KAT6B: variants seen among roughly 807,000 people sequenced by gnomAD.
The protein encoded by KAT6B is lysine acetyltransferase 6B.
Under a neutral mutation model 187.5 loss-of-function variants are expected in KAT6B, and 10 were observed. That is an observed-to-expected ratio of 0.05 (90% CI 0.03 to 0.09). The LOEUF (loss-of-function observed/expected upper bound fraction) is 0.09. KAT6B is among the 10% of genes least tolerant of loss of function. KAT6B has a pLI of 1.00. For synonymous variants in KAT6B, 861 were observed against 926.8 expected (o/e 0.93, Z 1.29); for missense variants, 1,952 against 2,558.9 (o/e 0.76, Z 5.12).
At chr10:74,865,272 A>G (rs956420751) in intron 3 of KAT6B, among the ~76,000 whole-genome samples, 3 of 152,170 alleles carry the variant, frequency 2.0e-5, no homozygotes, top group African/African-American at 7.2e-5. Context: ...TGGTCTTTTG[A>G]TTTGCTCAGT....
intron 3 of KAT6B, among the ~76,000 whole-genome samples, chr10:74,936,917 CAG>C (rs530945309): frequency 3.2e-4 from 48 of 152,212 alleles, no homozygotes; most frequent in Middle Eastern, 6.8e-3. Context: ...GAAGGGTGGC[CAG>C]AGTTTCACTG....
intron 3 of KAT6B, among the ~76,000 whole-genome samples, chr10:74,947,186 G>A (rs1271519126): frequency 6.6e-6 from 1 of 152,054 alleles, no homozygotes; most frequent in African/African-American, 2.4e-5. Context: ...TAATAGAGAT[G>A]GGGTTTTGCC....
intron 3 of KAT6B, among the ~76,000 whole-genome samples, chr10:74,872,115 G>T (rs948554432): frequency 6.6e-6 from 1 of 152,162 alleles, no homozygotes; most frequent in Non-Finnish European, 1.5e-5. Context: ...GCCCGGCATT[G>T]TGTCTGGCAC....
In KAT6B at chr10:74,857,808, C is replaced by A. The variant is rs561348119; in HGVS notation, c.621+14330C>A. On this transcript the variant is annotated intron_variant, in intron 3 of 17. Transcript: ENST00000287239. Reference sequence around the variant, plus strand: ...GCCAAGGCAGGTGGATCACTTGAGGCCAGGAGTTTGAGATCAGCCTGGACA... The same window carrying A: ...GCCAAGGCAGGTGGATCACTTGAGGACAGGAGTTTGAGATCAGCCTGGACA... Among the ~76,000 whole-genome samples the A allele has an allele frequency of 2.0e-5, 3 of 152,132 alleles. No individual in the cohort carries two copies. In the South Asian group the frequency reaches 6.2e-4, roughly 32 times the overall value.
In KAT6B at chr10:74,894,040, C is replaced by T. The variant is rs1845819800; in HGVS notation, c.621+50562C>T. 2.6e-5 allele frequency among the ~76,000 whole-genome samples: 4 copies of T among 152,148 alleles called. No individual in the cohort carries two copies. In the South Asian group the frequency reaches 6.2e-4, roughly 24 times the overall value. ...CGTCCCCATATTGGCATGAGGGACCCCTTATGAATTAGCCTGAAACTTTGC... is the reference window on the plus strand; with the variant it reads ...CGTCCCCATATTGGCATGAGGGACCTCTTATGAATTAGCCTGAAACTTTGC... On this transcript the variant is annotated intron_variant, in intron 3 of 17. Transcript: ENST00000287239.
chr10:74,907,301 A>G (rs1168688618), intron 3 of KAT6B, among the ~76,000 whole-genome samples: 6 of 152,220 alleles, frequency 3.9e-5, no homozygotes, highest in African/African-American at 1.4e-4. Flanking sequence ...GGGTGGTCTT[A>G]GAGACTAGCC....
chr10:75,020,647 C>T lies in KAT6B; in HGVS notation c.2695C>T (p.Arg899Cys), dbSNP rs559399976. The T allele has an allele frequency of 8.7e-6, 14 of 1,614,212 alleles. No homozygotes were observed. The highest frequency in any genetic ancestry group is 2.7e-5 in the African/African-American group (2 of 75,048). ...SPEKPLSDLG[R>C]LSYLAYWKSV... Reference sequence around the variant, plus strand: ...TGAAAAGCCTCTCTCCGATCTGGGCCGTCTCTCCTACCTGGCATATTGGAA... The same window carrying T: ...TGAAAAGCCTCTCTCCGATCTGGGCTGTCTCTCCTACCTGGCATATTGGAA... Residue 899 changes from arginine to cysteine, a missense_variant, in exon 14 of 18, where the codon CGT becomes TGT. Around this residue, in one of 9 missense-constraint regions of KAT6B, gnomAD observed 758 missense variants for 891.4 expected, o/e 0.85. Transcript: ENST00000287239.
intron 17 of KAT6B, among the ~76,000 whole-genome samples, chr10:75,028,087 C>T (rs1846010017): frequency 6.6e-6 from 1 of 152,154 alleles, no homozygotes; most frequent in South Asian, 2.1e-4. Flanking sequence ...GGCTTCTAGT[C>T]ATTTTTCCAG....
chr10:74,897,008 A>G (rs1368296382), intron 3 of KAT6B, among the ~76,000 whole-genome samples: 1 of 152,146 alleles, frequency 6.6e-6, no homozygotes, highest in African/African-American at 2.4e-5. Flanking sequence ...GAAAGAATTT[A>G]TTGACTTTAC....
At chr10:74,910,955 CTTCTGTATTT>C (rs1847161432) in intron 3 of KAT6B, among the ~76,000 whole-genome samples, 1 of 152,092 alleles carries the variant, frequency 6.6e-6, no homozygotes, top group Admixed American at 6.6e-5. Context: ...AGAGAAGTGT[CTTCTGTATTT>C]TTCTTCCTTC....
chr10:75,019,602 T>G (rs2134142274), intron 13 of KAT6B, among the ~76,000 whole-genome samples: 1 of 152,342 alleles, frequency 6.6e-6, no homozygotes, highest in South Asian at 2.1e-4. Context: ...TTGTTTAAAC[T>G]TAGGAAGTTC....
At chr10:75,018,850 G>A (rs1301237774) in intron 13 of KAT6B, among the ~76,000 whole-genome samples, 1 of 152,246 alleles carries the variant, frequency 6.6e-6, no homozygotes, top group Middle Eastern at 3.4e-3. Flanking sequence ...AAAGGGAATG[G>A]TTCTATATCC....
rs767336647 is a variant in KAT6B, at chr10:75,030,209, C to T, written c.5385C>T (p.Tyr1795=). The T allele has an allele frequency of 2.3e-5, 37 of 1,614,180 alleles. No individual in the cohort carries two copies. The highest frequency in any genetic ancestry group is 1.6e-4 in the Middle Eastern group (1 of 6,062). Residue 1795 remains tyrosine, a synonymous_variant, in exon 18 of 18, where the codon TAC becomes TAT. Transcript: ENST00000287239. This position sits in a 1 kb window ranked among gnomAD's most constrained non-coding sequence, Gnocchi z 4.8. ...PETSNANIGL[Y]ERMGQSDFGA... is the part of the protein sequence containing the mutation. Reference sequence around the variant, plus strand: ...CGAGCAACGCCAACATTGGCTTATACGAGCGAATGGGTCAGAGTGATTTTG... The same window carrying T: ...CGAGCAACGCCAACATTGGCTTATATGAGCGAATGGGTCAGAGTGATTTTG...
intron 3 of KAT6B, among the ~76,000 whole-genome samples, chr10:74,944,122 A>G (rs1849914716): frequency 6.6e-6 from 1 of 152,224 alleles, no homozygotes; most frequent in South Asian, 2.1e-4. Flanking sequence ...TTGAGCAGTG[A>G]TGCGGCCCAG....
intron 3 of KAT6B, among the ~76,000 whole-genome samples, chr10:74,877,241 C>T (rs1844485469): frequency 6.6e-6 from 1 of 152,192 alleles, no homozygotes; most frequent in African/African-American, 2.4e-5. Context: ...GCTGGGATTA[C>T]AGGCATGAGC....
chr10:74,881,196 C>T (rs1253487439), intron 3 of KAT6B, among the ~76,000 whole-genome samples: 1 of 152,170 alleles, frequency 6.6e-6, no homozygotes, highest in African/African-American at 2.4e-5. Context: ...AGGTGTGAGC[C>T]ACTGTGCCCA....
intron 3 of KAT6B, among the ~76,000 whole-genome samples, chr10:74,919,326 C>T (rs905917558): frequency 2.0e-5 from 3 of 152,122 alleles, no homozygotes; most frequent in African/African-American, 7.2e-5. Context: ...TGCTAGGTAT[C>T]TGAGGATTGG....
chr10:74,830,652 G>C (rs1840686620), intron 1 of KAT6B, among the ~76,000 whole-genome samples: 1 of 136,912 alleles, frequency 7.3e-6, no homozygotes, highest in South Asian at 2.4e-4. Context: ...TCCAATCTCA[G>C]CCTTTTTAGC....
intron 3 of KAT6B, among the ~76,000 whole-genome samples, chr10:74,952,392 G>A (rs1228664695): frequency 4.6e-5 from 7 of 152,040 alleles, no homozygotes; most frequent in African/African-American, 1.7e-4. Flanking sequence ...AGTGGTGCCA[G>A]TGGAGTACAG....
Sources: gnomAD v4.1 joint callset for allele counts (sites outside exome capture counted in the v4.1 genomes callset) on GRCh38, gnomAD v4.1.1 for gene constraint, gnomAD v4.1.1 regional missense constraint, Gnocchi (gnomAD v3.1) non-coding constraint, MANE v1.5 for transcripts, NCBI Gene and HGNC (gene_info 2026-07-23, HGNC 2026-07-21) for gene names.